Variants in FANCD2OS observed in about 807,000 individuals in gnomAD.
FANCD2OS encodes the protein FANCD2 opposite strand.
Under a neutral mutation model 13.2 loss-of-function variants are expected in FANCD2OS, and 11 were observed. The observed-to-expected ratio is 0.83, with a 90% CI of 0.52 to 1.38. FANCD2OS has a LOEUF of 1.38. Among genes scored for constraint, FANCD2OS ranks in the 40% most tolerant of loss-of-function variants. The probability of loss-of-function intolerance (pLI) is 0.00; values close to 1 mark genes in which losing one functional copy is unlikely to be tolerated. For synonymous variants in FANCD2OS, 69 were observed against 84.5 expected (o/e 0.82, Z 1.01); for missense variants, 217 against 213.9 (o/e 1.01, Z -0.09).
At chr3:10,096,597 T>G in intron 2 of FANCD2OS, 1 of 885,832 alleles carries the variant, frequency 1.1e-6, no homozygotes, top group Non-Finnish European at 1.9e-6. Context: ...CTTAAGTCTG[T>G]GACTGTTTAA....
At chr3:10,099,733 G>GGGCAACA (rs1283497082), downstream of FANCD2OS, 1 of 152,366 alleles carries the variant, frequency 6.6e-6, no homozygotes, top group Non-Finnish European at 1.5e-5. Context: ...ACTCCAGCCT[G>GGGCAACA]GGCAACAGAG....
chr3:10,097,102 AATAGGTGTGGGTG>A (rs1695015703), intron 2 of FANCD2OS, among the ~76,000 whole-genome samples: 1 of 152,202 alleles, frequency 6.6e-6, no homozygotes, highest in Non-Finnish European at 1.5e-5. Context: ...GGAGTGTGCG[AATAGGTGTGGGTG>A]ACAGACATCA....
chr3:10,101,095 A>G (rs1445774389), downstream of FANCD2OS: 2 of 979,456 alleles, frequency 2.0e-6, no homozygotes, highest in East Asian at 2.4e-5. Context: ...AACAGTGATA[A>G]TAGTACAGTT....
At chr3:10,104,836 C>T in intron 1 of FANCD2OS, 54 bp from the exon 2 acceptor site, 1 of 1,470,098 alleles carries the variant, frequency 6.8e-7, no homozygotes, top group South Asian at 1.4e-5. Flanking sequence ...TTCATGAGAG[C>T]ATGGCCTTTC....
At chr3:10,102,180 A>G (rs961814215), downstream of FANCD2OS, among the ~76,000 whole-genome samples, 2 of 133,038 alleles carry the variant, frequency 1.5e-5, no homozygotes, top group African/African-American at 2.9e-5. Flanking sequence ...GTCTCACTCT[A>G]TCGCTCAGGC....
intron 2 of FANCD2OS, chr3:10,092,047 G>C: frequency 1.3e-6 from 1 of 786,350 alleles, no homozygotes; most frequent in South Asian, 1.3e-5. Context: ...TGGATGCACT[G>C]GTTGCTACAT....
chr3:10,096,393 G>C, intron 2 of FANCD2OS: 1 of 1,614,048 alleles, frequency 6.2e-7, no homozygotes, highest in Admixed American at 1.7e-5. Flanking sequence ...CTTTTAGTTT[G>C]CAGAGTCAAA....
At chr3:10,106,587 C>T (rs1201849833) in intron 1 of FANCD2OS, among the ~76,000 whole-genome samples, 5 of 152,060 alleles carry the variant, frequency 3.3e-5, no homozygotes, top group East Asian at 1.9e-4. Context: ...ACACCTTCAC[C>T]GCCGTTTGTG....
At chr3:10,099,357 T>G, downstream of FANCD2OS, 1 of 1,180,912 alleles carries the variant, frequency 8.5e-7, no homozygotes, top group Non-Finnish European at 1.1e-6. Flanking sequence ...GCGCAGTGGC[T>G]CATGCTTGTA....
At chr3:10,101,202 C>T (rs202028246), downstream of FANCD2OS, 154 of 1,612,758 alleles carry the variant, frequency 9.5e-5, no homozygotes, top group South Asian at 9.8e-4. Flanking sequence ...GTGAAGAAGA[C>T]GAAGTAAGTG....
chr3:10,103,742 TG>T (rs1314015389), downstream of FANCD2OS, among the ~76,000 whole-genome samples: 1 of 152,224 alleles, frequency 6.6e-6, no homozygotes, highest in Non-Finnish European at 1.5e-5. Flanking sequence ...TACCCACTTT[TG>T]TACACTCTAG....
intron 2 of FANCD2OS, chr3:10,088,897 A>C: frequency 3.1e-6 from 5 of 1,614,056 alleles, no homozygotes; most frequent in Non-Finnish European, 4.2e-6. Context: ...GTGTCCCAGA[A>C]CTGATCAACT....
chr3:10,087,333 C>G, intron 2 of FANCD2OS: 2 of 1,440,638 alleles, frequency 1.4e-6, no homozygotes, highest in East Asian at 4.9e-5. Flanking sequence ...CACTTACAAA[C>G]TTTGGGCTTC....
rs2125072527 is a variant in FANCD2OS, at chr3:10,087,183, C to T, written c.*44-5652G>A. On this transcript the variant is annotated intron_variant, in intron 2 of 2. Transcript: ENST00000524279. ...TTTCCATCAAAGCATTCCCAGTTTC[C>T]AGTGTGCTCTTTATCTCATCAGACT... 1.2e-6 allele frequency: 2 copies of T among 1,613,872 alleles called. No individual in the cohort carries two copies. Among genetic ancestry groups the T allele is most frequent in the Non-Finnish European group, 1.7e-6 (2 of 1,179,914 alleles).
chr3:10,105,763 AAAAAAAAATTATAT>A lies in FANCD2OS; in HGVS notation c.-8-995_-8-982del, dbSNP rs1158613951. ...AAGACTCCATCTAAAAAAAAAAAAA[AAAAAAAAATTATAT>A]ATATATATATATATATATATATATA... On this transcript the variant is annotated intron_variant, in intron 1 of 1. Coordinates refer to ENST00000450660, the MANE Select transcript of FANCD2OS (RefSeq NM_001164839.2). 3.1e-4 allele frequency among the ~76,000 whole-genome samples: 22 copies of A among 71,628 alleles called. 1 individual carries two copies. Among genetic ancestry groups the A allele is most frequent in the Middle Eastern group, 0.012 (2 of 170 alleles). 47.0% of individuals were successfully genotyped at this position (71,628 alleles called of 152,430 possible).
At chr3:10,094,446 G>A in intron 2 of FANCD2OS, 1 of 1,178,566 alleles carries the variant, frequency 8.5e-7, no homozygotes, top group Non-Finnish European at 1.3e-6. Context: ...GGGTGGGGCT[G>A]GGAGTGTTCT....
intron 2 of FANCD2OS, chr3:10,087,337 G>A (rs1454337790): frequency 2.1e-6 from 3 of 1,410,492 alleles, no homozygotes; most frequent in Non-Finnish European, 2.9e-6. Context: ...TACAAACTTT[G>A]GGCTTCCCAG....
rs995972011 is a variant in FANCD2OS at position 10,096,392 on chromosome 3, T to G, written c.*43+7806A>C. 2 of 1,614,052 alleles carry G rather than the reference T, an allele frequency of 1.2e-6. No homozygotes were observed. Among genetic ancestry groups the G allele is most frequent in the Non-Finnish European group, 8.5e-7 (1 of 1,180,002 alleles). On this transcript the variant is annotated intron_variant, in intron 2 of 2. Transcript: ENST00000524279. The stretch of plus-strand genomic sequence containing the variant: ...CAAAAAGACCCTGGAACTTTTAGTT[T>G]GCAGAGTCAAAGCTATGCTCACTCT...
intron 2 of FANCD2OS, chr3:10,088,387 T>A (rs1300380243): frequency 9.7e-7 from 1 of 1,027,462 alleles, no homozygotes; most frequent in Non-Finnish European, 1.6e-6. Flanking sequence ...CTCAAAAACC[T>A]GAAAAGCAAG....
Sources: allele counts gnomAD v4.1 joint callset (sites outside exome capture counted in the v4.1 genomes callset), GRCh38; gene constraint gnomAD v4.1.1; transcripts MANE v1.5; gene names NCBI Gene and HGNC (gene_info 2026-07-23, HGNC 2026-07-21).